Variants in NLRP9 observed in about 807,000 individuals in gnomAD.
NLRP9 encodes NLR family pyrin domain containing 9, also known as NACHT, LRR and PYD domains-containing protein 9.
In NLRP9, 88 loss-of-function variants were observed where a neutral mutation model predicts 83.1. The observed-to-expected ratio is 1.06, with a 90% confidence interval of 0.89 to 1.26. The LOEUF (loss-of-function observed/expected upper bound fraction) is 1.26, where lower values mean the gene tolerates loss of function less well. Ranked by LOEUF, NLRP9 falls within the 50% of genes most tolerant of loss-of-function variation. The probability of loss-of-function intolerance (pLI) is 0.00; values close to 1 mark genes in which losing one functional copy is unlikely to be tolerated. For synonymous variants in NLRP9, 521 were observed against 447.6 expected (o/e 1.16, Z -2.07); for missense variants, 1,308 against 1,179.3 (o/e 1.11, Z -1.60).
At chr19:55,711,678 G>T in intron 8 of NLRP9, 122 bp downstream of exon 8, 1 of 980,468 alleles carries the variant, frequency 1.0e-6, no homozygotes, top group Non-Finnish European at 1.6e-6. Flanking sequence ...GGGGCCCAAG[G>T]ACAGGCCCCC....
At chr19:55,720,875 TCAC>T (rs1988204136) in intron 4 of NLRP9, among the ~76,000 whole-genome samples, 1 of 152,120 alleles carries the variant, frequency 6.6e-6, no homozygotes, top group Non-Finnish European at 1.5e-5. Flanking sequence ...AACAGACATA[TCAC>T]AACAGGAAGC....
intron 3 of NLRP9, among the ~76,000 whole-genome samples, chr19:55,729,475 A>T (rs926047763): frequency 1.8e-4 from 27 of 152,186 alleles, no homozygotes; most frequent in Admixed American, 3.3e-4. Flanking sequence ...TATGAGTGAG[A>T]ACATGCGTTG....
At chr19:55,714,980 T>C in intron 6 of NLRP9, 75 bp downstream of exon 6, 3 of 1,379,230 alleles carry the variant, frequency 2.2e-6, no homozygotes, top group Non-Finnish European at 3.0e-6. Flanking sequence ...CATATCCCTT[T>C]CCTATGTCTT....
intron 1 of NLRP9, among the ~76,000 whole-genome samples, chr19:55,735,869 GTAGA>G (rs1217341034): frequency 1.3e-5 from 2 of 151,464 alleles, no homozygotes; most frequent in African/African-American, 2.4e-5. Flanking sequence ...TGTATTTTTA[GTAGA>G]TAGAGTGTCT....
intron 1 of NLRP9, among the ~76,000 whole-genome samples, chr19:55,736,397 GA>G (rs1988786199): frequency 1.3e-5 from 2 of 150,458 alleles, no homozygotes; most frequent in Non-Finnish European, 3.0e-5. Context: ...TCTCAAAAAA[GA>G]AAAAAGTCAT....
chr19:55,711,250 TAAAAA>T (rs540587585), intron 8 of NLRP9: 3 of 510,310 alleles, frequency 5.9e-6, no homozygotes, highest in Non-Finnish European at 7.6e-6. Flanking sequence ...TTTTAAAAAA[TAAAAA>T]AATAACTTTT....
intron 6 of NLRP9, 125 bp downstream of exon 6, chr19:55,714,930 A>AC (rs1987947646): frequency 2.3e-6 from 2 of 875,696 alleles, no homozygotes; most frequent in East Asian, 5.0e-5. Flanking sequence ...TGAGGACCCA[A>AC]CATACGAATT....
chr19:55,729,864 A>G lies in NLRP9; in HGVS notation c.1961T>C (p.Leu654Pro), dbSNP rs1294236924. ...TCGGAGTTTACAAACAGGCTGAGCC[A>G]GCGCTTTGCAAAGAATCGCCAGGGA... ...DPSLAILCKA[L>P]AQPVCKLRKL... Residue 654 changes from leucine to proline, a missense_variant, in exon 3 of 9, where the codon CTG becomes CCG. Physicochemically the swap from Leu to Pro is moderately conservative, Grantham distance 98. Transcript: ENST00000332836. 1.9e-6 allele frequency: 3 copies of G among 1,613,878 alleles called. No individual in the cohort carries two copies. Among genetic ancestry groups the G allele is most frequent in the Non-Finnish European group, 2.5e-6 (3 of 1,179,790 alleles).
chr19:55,727,240 T>A (rs1476989183), intron 3 of NLRP9, among the ~76,000 whole-genome samples: 1 of 151,960 alleles, frequency 6.6e-6, no homozygotes, highest in Non-Finnish European at 1.5e-5. Context: ...CGGCAGAGAC[T>A]CCATCTCAAA....
Position 55,724,156 on chromosome 19 carries a change from TAA to T in NLRP9, c.1995-14_1995-13del. 1 of 1,426,700 alleles carries T rather than the reference TAA, an allele frequency of 7.0e-7. No homozygotes were observed. The highest frequency in any genetic ancestry group is 9.5e-7 in the Non-Finnish European group (1 of 1,050,718). The allele number at this position is 1,426,700 out of a possible 1,614,324, so 88.4% of individuals were successfully genotyped here. ...ACACAGAAGTAAATCTGCAAAAGAT[TAA>T]AAAAAAAATAGCATCATGCAATGAG... On this transcript the variant is annotated splice_polypyrimidine_tract_variant and intron_variant, in intron 3 of 8. Transcript: ENST00000332836.
Position 55,732,515 on chromosome 19 carries a change from T to C in NLRP9, c.1316A>G (p.Asp439Gly), listed in dbSNP as rs761922837. Reference protein sequence around the residue: ...VGMRLLQRRGDCFAFMHLCIQ... With the variant: ...VGMRLLQRRGGCFAFMHLCIQ... ...ACACAGATGCATGAAGGCAAAACAG[T>C]CCCCTCTCCTTTGGAGGAGTCTCAT... Residue 439 changes from aspartate (D) to glycine (G), a missense_variant, in exon 2 of 9, where the codon GAC (aspartate) becomes GGC (glycine). By Grantham distance (94) the Asp-to-Gly change is moderately conservative (BLOSUM62 -1). Coordinates refer to ENST00000332836, the MANE Select transcript of NLRP9 (RefSeq NM_176820.4). 9 of 1,614,004 alleles carry C rather than the reference T, an allele frequency of 5.6e-6. No homozygotes were observed. Among genetic ancestry groups the C allele is most frequent in the Non-Finnish European group, 7.6e-6 (9 of 1,180,024 alleles).
At chr19:55,733,654 T>C (rs1168953952) in intron 1 of NLRP9, 104 bp from the exon 2 acceptor site, 12 of 715,462 alleles carry the variant, frequency 1.7e-5, no homozygotes, top group Non-Finnish European at 2.5e-5. Context: ...TCGCCAGCCA[T>C]CTGAAGCCAG....
In NLRP9 at chr19:55,708,621, T is replaced by C. The variant is rs932437296; in HGVS notation, c.*291A>G. On this transcript the variant is annotated 3_prime_UTR_variant, in exon 9 of 9. Transcript: ENST00000332836. ...CACACCAAGACATCCATTAAGAAAA[T>C]AAAGCCATGCTTTCCAGAGCGTTTA... 7.7e-5 allele frequency: 18 copies of C among 233,418 alleles called. No homozygotes were observed. The highest frequency in any genetic ancestry group is 1.4e-4 in the Non-Finnish European group (17 of 121,472). 14.5% of individuals were successfully genotyped at this position (233,418 alleles called of 1,614,324 possible).
intron 7 of NLRP9, 24 bp downstream of exon 7, chr19:55,712,396 C>G (rs535114489): frequency 1.7e-5 from 27 of 1,586,922 alleles, no homozygotes; most frequent in East Asian, 2.2e-5. Flanking sequence ...AATTTTCCTA[C>G]GATGGTGATC....
intron 3 of NLRP9, among the ~76,000 whole-genome samples, chr19:55,729,614 T>C (rs896900050): frequency 9.9e-5 from 15 of 152,082 alleles, no homozygotes; most frequent in Non-Finnish European, 2.2e-4. Flanking sequence ...ATGTGCCACA[T>C]TTTCTTTATC....
intron 8 of NLRP9, chr19:55,709,943 T>A (rs1987640665): frequency 6.6e-6 from 1 of 152,242 alleles, no homozygotes; most frequent in Admixed American, 6.5e-5. Flanking sequence ...GTGTCCTTCC[T>A]TCTTGCCAGG....
intron 3 of NLRP9, among the ~76,000 whole-genome samples, chr19:55,725,793 G>A (rs771372593): frequency 1.4e-4 from 21 of 152,144 alleles, no homozygotes; most frequent in Non-Finnish European, 2.6e-4. Context: ...TTGGGAGGCT[G>A]AGGTGGGTGG....
chr19:55,714,585 G>A (rs1342287361), intron 6 of NLRP9, among the ~76,000 whole-genome samples: 1 of 148,774 alleles, frequency 6.7e-6, no homozygotes, highest in East Asian at 1.9e-4. Flanking sequence ...GCCTCATCTG[G>A]ATTTTTTTTT....
At chr19:55,718,469 G>A (rs1600131638) in intron 4 of NLRP9, among the ~76,000 whole-genome samples, 1 of 152,194 alleles carries the variant, frequency 6.6e-6, no homozygotes, top group African/African-American at 2.4e-5. Context: ...GGAGAAAATT[G>A]CCCTGTGGCT....
Sources: gnomAD v4.1 joint callset for allele counts (sites outside exome capture counted in the v4.1 genomes callset) on GRCh38, gnomAD v4.1.1 for gene constraint, MANE v1.5 for transcripts, NCBI Gene and HGNC (gene_info 2026-07-23, HGNC 2026-07-21) for gene names.